Variants in LDLRAD4 observed in about 807,000 individuals in gnomAD.
LDLRAD4 encodes the protein low-density lipoprotein receptor class A domain-containing protein 4.
Under a neutral mutation model 17.0 loss-of-function variants are expected in LDLRAD4, and 5 were observed. That is an observed-to-expected ratio of 0.29 (90% confidence interval 0.15 to 0.62). LDLRAD4 has a LOEUF of 0.62. LDLRAD4 is among the 20% of genes least tolerant of loss of function. The probability of loss-of-function intolerance (pLI) is 0.84; values close to 1 mark genes in which losing one functional copy is unlikely to be tolerated. For missense variants in LDLRAD4, 340 were observed against 424.7 expected, an observed-to-expected ratio of 0.80 and a Z score of 1.75; for synonymous variants, 168 against 171.8, an observed-to-expected ratio of 0.98 and a Z score of 0.17.
chr18:13,389,992 T>A (rs1021877955), intron 2 of LDLRAD4, among the ~76,000 whole-genome samples: 7 of 152,104 alleles, frequency 4.6e-5, no homozygotes, highest in Non-Finnish European at 8.8e-5. Context: ...CGTTTTTTTT[T>A]ATTTGTAATT....
intron 2 of LDLRAD4, chr18:13,423,470 G>A (rs536219355): frequency 7.9e-4 from 120 of 151,598 alleles, no homozygotes; most frequent in African/African-American, 2.9e-3. Flanking sequence ...TCCAACCTGG[G>A]TGACAGAGCG....
chr18:13,257,460 C>A (rs1351302824), intron 1 of LDLRAD4, among the ~76,000 whole-genome samples: 2 of 152,176 alleles, frequency 1.3e-5, no homozygotes, highest in South Asian at 2.1e-4. Flanking sequence ...CGTGGACATG[C>A]GGTTGCTTTT....
intron 2 of LDLRAD4, among the ~76,000 whole-genome samples, chr18:13,418,592 C>T (rs926696158): frequency 3.9e-4 from 60 of 152,192 alleles, no homozygotes; most frequent in Non-Finnish European, 7.2e-4. Context: ...GTTCAACTTT[C>T]GACCAACCTG....
intron 1 of LDLRAD4, among the ~76,000 whole-genome samples, chr18:13,383,250 T>C (rs1312162131): frequency 6.6e-6 from 1 of 152,180 alleles, no homozygotes; most frequent in Admixed American, 6.5e-5. Context: ...AGGAAATACG[T>C]ATTTACTGGG....
Position 13,284,830 on chromosome 18 carries a change from G to C in LDLRAD4, c.-383+6642G>C, listed in dbSNP as rs113890560. On this transcript the variant is annotated intron_variant, in intron 1 of 5. Transcript: ENST00000359446. ...TGTGAAACACGCTTTGCCAAGGTCA[G>C]GTTCCTGAGATGACTCGCCCGTGGC... Among the ~76,000 whole-genome samples, 1,114 of 152,334 alleles carry C rather than the reference G, an allele frequency of 7.3e-3. 10 individuals carry two copies. The highest frequency in any genetic ancestry group is 0.025 in the African/African-American group (1,041 of 41,588).
chr18:13,366,452 C>T (rs2084062376), intron 1 of LDLRAD4, among the ~76,000 whole-genome samples: 1 of 152,148 alleles, frequency 6.6e-6, no homozygotes, highest in Non-Finnish European at 1.5e-5. Flanking sequence ...TCTGGAAGAA[C>T]CAGGCTTGCC....
intron 1 of LDLRAD4, among the ~76,000 whole-genome samples, chr18:13,234,729 C>A (rs1222549825): frequency 6.6e-6 from 1 of 152,118 alleles, no homozygotes; most frequent in Non-Finnish European, 1.5e-5. Flanking sequence ...TGAGCACCTT[C>A]CATGAGCCCC....
At chr18:13,344,485 G>C (rs979401366) in intron 1 of LDLRAD4, among the ~76,000 whole-genome samples, 1 of 151,002 alleles carries the variant, frequency 6.6e-6, no homozygotes, top group Admixed American at 6.6e-5. Context: ...GGTTACTGTA[G>C]CTTTGTAGTA....
At chr18:13,375,675 T>TGG (rs946448198) in intron 1 of LDLRAD4, among the ~76,000 whole-genome samples, 1 of 152,112 alleles carries the variant, frequency 6.6e-6, no homozygotes, top group African/African-American at 2.4e-5. Flanking sequence ...ATGCTCTGAG[T>TGG]GTTCAGTTAT....
chr18:13,540,914 T>G (rs1188622149), intron 3 of LDLRAD4, among the ~76,000 whole-genome samples: 1 of 152,190 alleles, frequency 6.6e-6, no homozygotes, highest in Admixed American at 6.5e-5. Flanking sequence ...TTGGAGCCTG[T>G]GGGCACCTTC....
intron 2 of LDLRAD4, among the ~76,000 whole-genome samples, chr18:13,403,585 G>A (rs1249646197): frequency 6.6e-6 from 1 of 152,252 alleles, no homozygotes; most frequent in African/African-American, 2.4e-5. Context: ...CAGTTTCTCT[G>A]TGAAATCAGG....
At chr18:13,315,310 C>A (rs2080870821) in intron 1 of LDLRAD4, among the ~76,000 whole-genome samples, 1 of 152,158 alleles carries the variant, frequency 6.6e-6, no homozygotes, top group Non-Finnish European at 1.5e-5. Flanking sequence ...GTTTGTAATA[C>A]ACAGTGTTTG....
At chr18:13,366,009 A>T (rs555612148) in intron 1 of LDLRAD4, 1 of 152,232 alleles carries the variant, frequency 6.6e-6, no homozygotes, top group Non-Finnish European at 1.5e-5. Context: ...TCCTGACCTC[A>T]TGATCCGCCC....
chr18:13,390,841 A>T (rs962027541), intron 2 of LDLRAD4, among the ~76,000 whole-genome samples: 4 of 152,158 alleles, frequency 2.6e-5, no homozygotes, highest in Non-Finnish European at 1.5e-5. Flanking sequence ...TGAAATAAGG[A>T]GATGTGAGCG....
chr18:13,612,616 T>C (rs2039691173), intron 3 of LDLRAD4: 1 of 1,595,794 alleles, frequency 6.3e-7, no homozygotes, highest in Non-Finnish European at 8.5e-7. Flanking sequence ...CTGAGCTGCC[T>C]GGAGAGGAGA....
intron 2 of LDLRAD4, among the ~76,000 whole-genome samples, chr18:13,403,764 C>A (rs2145564788): frequency 6.6e-6 from 1 of 152,324 alleles, no homozygotes; most frequent in Non-Finnish European, 1.5e-5. Context: ...TGTAAATGAA[C>A]AGAATTCAGA....
chr18:13,314,510 C>A (rs2080825481), intron 1 of LDLRAD4, among the ~76,000 whole-genome samples: 1 of 152,196 alleles, frequency 6.6e-6, no homozygotes, highest in Non-Finnish European at 1.5e-5. Context: ...AAAAGCTGGA[C>A]AGAGTACAAA....
chr18:13,244,282 C>G (rs1340834208), intron 1 of LDLRAD4, among the ~76,000 whole-genome samples: 3 of 151,576 alleles, frequency 2.0e-5, no homozygotes, highest in Non-Finnish European at 2.9e-5. Flanking sequence ...ATCTACCCAC[C>G]CATCCATCTA....
At chr18:13,433,040 T>C (rs1261371453) in intron 2 of LDLRAD4, among the ~76,000 whole-genome samples, 4 of 152,240 alleles carry the variant, frequency 2.6e-5, no homozygotes, top group Non-Finnish European at 4.4e-5. Flanking sequence ...TATTATAGGA[T>C]ATCTTACACC....
Sources: allele counts gnomAD v4.1 joint callset (sites outside exome capture counted in the v4.1 genomes callset), GRCh38; gene constraint gnomAD v4.1.1; transcripts MANE v1.5; gene names NCBI Gene and HGNC (gene_info 2026-07-23, HGNC 2026-07-21).